Variants in ATXN1 observed in about 807,000 individuals in gnomAD.
ATXN1 encodes ataxin 1, also known as ataxin-1.
ATXN1 carries 8 observed loss-of-function variants against 56.4 expected under a neutral mutation model. The observed-to-expected ratio is 0.14, with a 90% confidence interval of 0.08 to 0.26. ATXN1 has a LOEUF of 0.26. Among genes scored for constraint, ATXN1 ranks in the 10% least tolerant of loss-of-function variants. The pLI is 1.00. For synonymous variants in ATXN1, 514 were observed against 494.6 expected, an observed-to-expected ratio of 1.04 and a Z score of -0.52; for missense variants, 987 against 1,106.5, an observed-to-expected ratio of 0.89 and a Z score of 1.53.
intron 2 of ATXN1, among the ~76,000 whole-genome samples, chr6:16,711,467 A>C (rs573078206): frequency 6.6e-6 from 1 of 152,232 alleles, no homozygotes; most frequent in African/African-American, 2.4e-5. Flanking sequence ...GGTAAGCCAA[A>C]CACTGAGAAA....
intron 7 of ATXN1, among the ~76,000 whole-genome samples, chr6:16,307,225 G>C (rs183785746): frequency 6.6e-6 from 1 of 152,376 alleles, no homozygotes; most frequent in African/African-American, 2.4e-5. Context: ...TCTGCAGGTG[G>C]CTCACAAGCC....
At chr6:16,421,859 C>T (rs920250629) in intron 6 of ATXN1, among the ~76,000 whole-genome samples, 1 of 152,126 alleles carries the variant, frequency 6.6e-6, no homozygotes, top group South Asian at 2.1e-4. Context: ...TGTATATGTA[C>T]ACTGCAGGGG....
chr6:16,655,887 C>T (rs1758189378), intron 3 of ATXN1, among the ~76,000 whole-genome samples: 1 of 151,292 alleles, frequency 6.6e-6, no homozygotes, highest in African/African-American at 2.4e-5. Flanking sequence ...GTGAGGAGAT[C>T]GAGACCATCC....
chr6:16,446,184 T>A (rs2113605895), intron 6 of ATXN1, among the ~76,000 whole-genome samples: 1 of 151,746 alleles, frequency 6.6e-6, no homozygotes, highest in South Asian at 2.1e-4. Flanking sequence ...CTCCAGCACC[T>A]GTTGTTTCCT....
At chr6:16,757,423 T>C (rs1760919475) in intron 1 of ATXN1, among the ~76,000 whole-genome samples, 1 of 152,208 alleles carries the variant, frequency 6.6e-6, no homozygotes, top group Non-Finnish European at 1.5e-5. Flanking sequence ...CTCCAAGGCA[T>C]TGTGTAATAT....
chr6:16,379,562 A>G (rs1762209776), intron 6 of ATXN1, among the ~76,000 whole-genome samples: 2 of 152,228 alleles, frequency 1.3e-5, no homozygotes, highest in East Asian at 3.8e-4. Flanking sequence ...CTATGCAAGC[A>G]GAAAGTAACA....
chr6:16,635,676 C>A (rs930769674), intron 3 of ATXN1, among the ~76,000 whole-genome samples: 6 of 152,194 alleles, frequency 3.9e-5, no homozygotes, highest in African/African-American at 1.4e-4. Flanking sequence ...ATTCTTTAGG[C>A]AGGACATTGA....
chr6:16,667,731 TA>T (rs1168755587), intron 2 of ATXN1, among the ~76,000 whole-genome samples: 1 of 152,240 alleles, frequency 6.6e-6, no homozygotes, highest in African/African-American at 2.4e-5. Context: ...AAGTGCTTTC[TA>T]AACGCTTAAC....
rs1486918674 is a variant in ATXN1 at position 16,376,328 on chromosome 6, C to T, written c.-160-47858G>A. ...TTTGGACTAAATCCTTTCTTTGTAC[C>T]CACAGCATATCTGAAAGGAGAAGCA... On this transcript the variant is annotated intron_variant, in intron 6 of 7. Transcript: ENST00000436367. Among the ~76,000 whole-genome samples, 4 of 152,146 alleles carry T rather than the reference C, an allele frequency of 2.6e-5. No homozygotes were observed. In the East Asian group the frequency reaches 7.7e-4, roughly 29 times the overall value.
intron 5 of ATXN1, among the ~76,000 whole-genome samples, chr6:16,511,551 T>C (rs2113684347): frequency 6.6e-6 from 1 of 152,326 alleles, no homozygotes; most frequent in South Asian, 2.1e-4. Context: ...CACAACCTTC[T>C]GAATAACAGA....
In ATXN1 at chr6:16,300,617, C is replaced by T. The variant is rs1760060967; in HGVS notation, c.*5712G>A. On this transcript the variant is annotated 3_prime_UTR_variant, in exon 8 of 8. Coordinates refer to ENST00000436367, the MANE Select transcript of ATXN1 (RefSeq NM_001128164.2). ...TAAAATGAGGCATTTACATTGAAAT[C>T]ATGTTTTTACTCCCCCCATTTAAAT... The T allele has an allele frequency of 6.6e-6, 1 of 152,358 alleles. No homozygotes were observed. Among genetic ancestry groups the T allele is most frequent in the Non-Finnish European group, 1.5e-5 (1 of 67,998 alleles). 9.4% of individuals were successfully genotyped at this position (152,358 alleles called of 1,614,324 possible). A position where few individuals can be genotyped will look rare whatever the true frequency, so the allele number is the denominator to read the frequency against.
chr6:16,620,899 G>A (rs1406696646), intron 3 of ATXN1, among the ~76,000 whole-genome samples: 1 of 152,184 alleles, frequency 6.6e-6, no homozygotes, highest in Non-Finnish European at 1.5e-5. Flanking sequence ...ACTCTCTGGG[G>A]CCCTTTCTAG....
intron 2 of ATXN1, among the ~76,000 whole-genome samples, chr6:16,726,380 CAAA>C (rs10716233): frequency 1.3e-4 from 16 of 124,222 alleles, no homozygotes; most frequent in Admixed American, 1.6e-4. Context: ...GACTCTGTCT[CAAA>C]AAAAAAAAAA....
Position 16,303,770 on chromosome 6 carries a change from A to G in ATXN1, c.*2559T>C, listed in dbSNP as rs1448289329. ...GTGGTGTGTGTTTTTCTGAGTCCAC[A>G]TGAGTTGTAAATAGTGATATTAATG... On this transcript the variant is annotated 3_prime_UTR_variant, in exon 8 of 8. Transcript: ENST00000436367. This position sits in a 1 kb window ranked among gnomAD's most constrained non-coding sequence, Gnocchi z 4.3. The G allele has an allele frequency of 6.6e-6, 1 of 152,624 alleles. No individual in the cohort carries two copies. Among genetic ancestry groups the G allele is most frequent in the East Asian group, 1.9e-4 (1 of 5,198 alleles). The allele number at this position is 152,624 out of a possible 1,614,324, so 9.5% of individuals were successfully genotyped here.
chr6:16,560,427 C>A (rs1403995883), intron 4 of ATXN1, among the ~76,000 whole-genome samples: 3 of 151,658 alleles, frequency 2.0e-5, no homozygotes, highest in Admixed American at 2.0e-4. Flanking sequence ...GAAACTCCAC[C>A]TCAAAAATAA....
chr6:16,346,670 G>A (rs1761399272), intron 6 of ATXN1, among the ~76,000 whole-genome samples: 1 of 152,128 alleles, frequency 6.6e-6, no homozygotes, highest in Admixed American at 6.5e-5. Context: ...TTGTCGCCGG[G>A]TCTCACTCTG....
chr6:16,550,731 A>G (rs1761905193), intron 4 of ATXN1, among the ~76,000 whole-genome samples: 1 of 152,244 alleles, frequency 6.6e-6, no homozygotes, highest in African/African-American at 2.4e-5. Flanking sequence ...AGTTCTATAC[A>G]TTTTTTGCAA....
intron 3 of ATXN1, among the ~76,000 whole-genome samples, chr6:16,593,339 G>A (rs1274558793): frequency 6.6e-6 from 1 of 152,126 alleles, no homozygotes; most frequent in Non-Finnish European, 1.5e-5. Context: ...TGGGGACTAT[G>A]GAAAGAGAAT....
At chr6:16,606,867 T>TGTGTGTGTGTGTGTGTGTGTGTGTGTG (rs1554119511) in intron 3 of ATXN1, among the ~76,000 whole-genome samples, 52 of 126,810 alleles carry the variant, frequency 4.1e-4, no homozygotes, top group East Asian at 1.3e-3. Flanking sequence ...GTTCCATGAG[T>TGTGTGTGTGTGTGTGTGTGTGTGTGTG]TGTGTGTGTG....
Sources: gnomAD v4.1 joint callset for allele counts (sites outside exome capture counted in the v4.1 genomes callset) on GRCh38, gnomAD v4.1.1 for gene constraint, Gnocchi (gnomAD v3.1) non-coding constraint, MANE v1.5 for transcripts, NCBI Gene and HGNC (gene_info 2026-07-23, HGNC 2026-07-21) for gene names.